The following SEMA4G variants were observed in gnomAD, a reference collection of about 807,000 sequenced individuals.
The protein encoded by SEMA4G is semaphorin-4G.
A neutral mutation model predicts 81.2 loss-of-function variants in SEMA4G; 59 were observed. The observed-to-expected ratio is 0.73, with a 90% CI of 0.59 to 0.90. The LOEUF (loss-of-function observed/expected upper bound fraction) is 0.90, where lower values mean the gene tolerates loss of function less well. Among genes scored for constraint, SEMA4G ranks in the 40% least tolerant of loss-of-function variants. The pLI is 0.00. For synonymous variants in SEMA4G, 404 were observed against 433.9 expected (o/e 0.93, Z 0.86); for missense variants, 952 against 1,102.3 (o/e 0.86, Z 1.93).
rs1589988356 is a variant in SEMA4G at position 100,979,348 on chromosome 10, T to C, written c.983+77T>C. On this transcript the variant is annotated intron_variant, in intron 8 of 13. Transcript: ENST00000370250. ...GGAGCAGAGGTCAATGAGGATGAGA[T>C]AGGATCCACTGTGGGGAGGTCTGGC... 49 of 1,612,510 alleles carry C rather than the reference T, an allele frequency of 3.0e-5. No individual in the cohort carries two copies. The East Asian group carries it at 9.6e-4, about 32-fold the overall frequency.
chr10:100,971,698 C>A (rs1850636652), upstream of SEMA4G, among the ~76,000 whole-genome samples: 1 of 152,164 alleles, frequency 6.6e-6, no homozygotes, highest in Non-Finnish European at 1.5e-5. Context: ...GATTAGGAGG[C>A]CTGTTACAGG....
chr10:100,977,857 C>A (rs1850868405), intron 4 of SEMA4G, 127 bp downstream of exon 5: 2 of 763,248 alleles, frequency 2.6e-6, no homozygotes, highest in African/African-American at 1.7e-5. Flanking sequence ...GACTTCCATA[C>A]AGGGCACTCC....
chr10:100,981,194 G>A, exon 13 of SEMA4G: 2 of 1,614,268 alleles, frequency 1.2e-6, no homozygotes, highest in Admixed American at 3.3e-5. Flanking sequence ...GACATAGAGA[G>A]AGGAAATCGA....
Position 100,973,690 on chromosome 10 carries a change from T to C in SEMA4G, c.336+81T>C, listed in dbSNP as rs897795127. 1.5e-6 allele frequency: 2 copies of C among 1,320,722 alleles called. No individual in the cohort carries two copies. The highest frequency in any genetic ancestry group is 2.1e-6 in the Non-Finnish European group (2 of 932,510). The allele number at this position is 1,320,722 out of a possible 1,614,324, so 81.8% of individuals were successfully genotyped here. On this transcript the variant is annotated intron_variant, in intron 3 of 13. Coordinates refer to ENST00000370250, the Ensembl canonical transcript of SEMA4G. The surrounding 1 kb of genome is among the most constrained non-coding windows in gnomAD (Gnocchi z 5.5). ...ATGCCAGGATTGTTGGGGACACAGA[T>C]GGGTAGGTACAGACCTGCCAGTCAA...
intron 3 of SEMA4G, among the ~76,000 whole-genome samples, chr10:100,975,355 AG>A (rs1179642443): frequency 6.6e-6 from 1 of 152,244 alleles, no homozygotes; most frequent in Non-Finnish European, 1.5e-5. Context: ...AAGGCTTTAT[AG>A]AACAGTTCCC....
At chr10:100,977,797 C>T in intron 4 of SEMA4G, 67 bp downstream of exon 5, 1 of 1,338,638 alleles carries the variant, frequency 7.5e-7, no homozygotes, top group South Asian at 1.2e-5. Context: ...GTTCAAGATG[C>T]CAAAGAAGAG....
chr10:100,981,480 A>AT, intron 13 of SEMA4G: 1 of 1,614,220 alleles, frequency 6.2e-7, no homozygotes, highest in Non-Finnish European at 8.5e-7. Context: ...CAAGTAGTGG[A>AT]TGACAAGGGT....
In SEMA4G at chr10:100,978,391, G is replaced by A. The variant is rs749714404; in HGVS notation, c.529+3G>A. ...TGGCTTCACAGGCCTCATCATTGGTGAGCAGGCCTTCTTCCCTATCACAGA... is the reference window on the plus strand; with the variant it reads ...TGGCTTCACAGGCCTCATCATTGGTAAGCAGGCCTTCTTCCCTATCACAGA... On this transcript the variant is annotated splice_donor_region_variant and intron_variant, in intron 5 of 13. Transcript: ENST00000370250. 1.9e-6 allele frequency: 3 copies of A among 1,612,512 alleles called. No homozygotes were observed. Among genetic ancestry groups the A allele is most frequent in the Non-Finnish European group, 2.5e-6 (3 of 1,179,150 alleles).
chr10:100,980,711 C>A lies in SEMA4G; in HGVS notation c.1467+18C>A. The A allele has an allele frequency of 6.2e-7, 1 of 1,609,354 alleles. No individual in the cohort carries two copies. Among genetic ancestry groups the A allele is most frequent in the Non-Finnish European group, 8.5e-7 (1 of 1,175,726 alleles). ...TATTGCAGGTAGCCCTTCTCTGTGA[C>A]CCTTAATATAGCCTTGCTGAAATAG... is the stretch of plus-strand genomic sequence containing the variant. On this transcript the variant is annotated intron_variant, in intron 11 of 13. Transcript: ENST00000370250.
chr10:100,978,994 G>A, exon 7 of SEMA4G: 3 of 1,614,182 alleles, frequency 1.9e-6, no homozygotes, highest in South Asian at 1.1e-5. Flanking sequence ...GTCACCGTGT[G>A]GCCCGTGTGG....
chr10:100,980,793 G>A (rs1338119125), intron 11 of SEMA4G, 29 bp from the exon 13 acceptor site: 5 of 1,553,254 alleles, frequency 3.2e-6, no homozygotes, highest in Non-Finnish European at 3.5e-6. Context: ...TGGGGACGCT[G>A]CCGACCAACT....
chr10:100,982,249 G>A (rs1351530277), intron 13 of SEMA4G, among the ~76,000 whole-genome samples: 1 of 152,030 alleles, frequency 6.6e-6, no homozygotes, highest in Non-Finnish European at 1.5e-5. Flanking sequence ...GCACATTTGA[G>A]TGACAGGAGA....
chr10:100,983,663 G>A (rs757083877), exon 14 of SEMA4G: 20 of 1,613,206 alleles, frequency 1.2e-5, no homozygotes, highest in Admixed American at 3.3e-5. Flanking sequence ...CCATTGCCGC[G>A]CTTGGTGGCC....
chr10:100,980,559 T>A lies in SEMA4G; in HGVS notation c.1352-19T>A. On this transcript the variant is annotated intron_variant, in intron 10 of 13. Transcript: ENST00000370250. ...AGATCCCATAGTTGGGGTCTAACTCTCTGCTCTTTCCATACCAGCTGATGG... is the reference window on the plus strand; with the variant it reads ...AGATCCCATAGTTGGGGTCTAACTCACTGCTCTTTCCATACCAGCTGATGG... 6.2e-7 allele frequency: 1 copy of A among 1,606,466 alleles called. No individual in the cohort carries two copies. Among genetic ancestry groups the A allele is most frequent in the Non-Finnish European group, 8.5e-7 (1 of 1,173,068 alleles).
exon 4 of SEMA4G, chr10:100,977,639 G>A: frequency 6.2e-7 from 1 of 1,614,006 alleles, no homozygotes; most frequent in Non-Finnish European, 8.5e-7. Flanking sequence ...CAGACGGAGT[G>A]CTTTAACCAT....
chr10:100,978,216 G>T, intron 4 of SEMA4G, 79 bp from the exon 6 acceptor site: 1 of 1,028,554 alleles, frequency 9.7e-7, no homozygotes, highest in South Asian at 1.4e-5. Flanking sequence ...GCTGATCCCT[G>T]ACCCCAGACT....
At chr10:100,982,327 C>A (rs1381132318) in intron 13 of SEMA4G, among the ~76,000 whole-genome samples, 2 of 152,128 alleles carry the variant, frequency 1.3e-5, no homozygotes, top group African/African-American at 2.4e-5. Flanking sequence ...CAATAGGAAA[C>A]CTCTGAAGAG....
exon 14 of SEMA4G, chr10:100,983,865 G>A (rs1851271928): frequency 1.3e-6 from 2 of 1,573,988 alleles, no homozygotes; most frequent in Non-Finnish European, 1.7e-6. Flanking sequence ...GGGCCTGGAG[G>A]GCAGCTGTCT....
chr10:100,970,258 C>G (rs1020902356), upstream of SEMA4G, among the ~76,000 whole-genome samples: 1 of 152,064 alleles, frequency 6.6e-6, no homozygotes, highest in African/African-American at 2.4e-5. Context: ...ACCTTAAACC[C>G]GTACTTCGCC....
Sources: gnomAD v4.1 joint callset for allele counts (sites outside exome capture counted in the v4.1 genomes callset) on GRCh38, gnomAD v4.1.1 for gene constraint, Gnocchi (gnomAD v3.1) non-coding constraint, MANE v1.5 for transcripts, NCBI Gene and HGNC (gene_info 2026-07-23, HGNC 2026-07-21) for gene names.